Variants in BDNF observed in about 807,000 individuals in gnomAD.
BDNF encodes brain derived neurotrophic factor, also known as neurotrophic factor BDNF precursor form.
In BDNF, 1 loss-of-function variant was observed where a neutral mutation model predicts 19.5. That is an observed-to-expected ratio of 0.05 (90% CI 0.02 to 0.24). The LOEUF (loss-of-function observed/expected upper bound fraction) is 0.24. Ranked by LOEUF, BDNF falls within the 10% of genes least tolerant of loss-of-function variation. The pLI is 1.00. For missense variants in BDNF, 195 were observed against 317.6 expected (o/e 0.61, Z 2.93); for synonymous variants, 100 against 121.6 (o/e 0.82, Z 1.17).
At chr11:27,663,144 T>C (rs1433706209) in intron 1 of BDNF, among the ~76,000 whole-genome samples, 2 of 152,228 alleles carry the variant, frequency 1.3e-5, no homozygotes, top group Non-Finnish European at 2.9e-5. Flanking sequence ...TAGGAAATAA[T>C]AAAAGATTAA....
At chr11:27,701,715 T>C, upstream of BDNF, 1 of 639,588 alleles carries the variant, frequency 1.6e-6, no homozygotes, top group Non-Finnish European at 1.9e-6. Context: ...GACACTCTAG[T>C]GCACGAATTA....
intron 1 of BDNF, among the ~76,000 whole-genome samples, chr11:27,680,429 A>G (rs557046692): frequency 1.3e-5 from 2 of 152,374 alleles, no homozygotes; most frequent in African/African-American, 4.8e-5. Context: ...GTACCCATGA[A>G]GAGTTCAACA....
At chr11:27,720,703 C>T in intron 1 of BDNF, 1 of 985,974 alleles carries the variant, frequency 1.0e-6, no homozygotes, top group Non-Finnish European at 1.2e-6. Flanking sequence ...TGAATGGACT[C>T]CTATCGCCCG....
upstream of BDNF, chr11:27,701,273 GAGAA>G (rs752729261): frequency 6.9e-4 from 778 of 1,129,776 alleles, no homozygotes; most frequent in Non-Finnish European, 8.3e-4. Context: ...AAAACGGAAA[GAGAA>G]AGAAAGAAAA....
At chr11:27,685,141 A>G (rs1275421863) in intron 1 of BDNF, among the ~76,000 whole-genome samples, 3 of 152,204 alleles carry the variant, frequency 2.0e-5, no homozygotes, top group African/African-American at 7.2e-5. Context: ...GTATGTGTCC[A>G]GGAATTTATT....
chr11:27,670,138 G>T (rs1359681355), intron 1 of BDNF, among the ~76,000 whole-genome samples: 3 of 152,152 alleles, frequency 2.0e-5, no homozygotes, highest in Non-Finnish European at 4.4e-5. Flanking sequence ...TGACAAACCT[G>T]ACAAAAACAA....
chr11:27,694,091 T>C (rs1298977175), intron 1 of BDNF, among the ~76,000 whole-genome samples: 2 of 152,196 alleles, frequency 1.3e-5, no homozygotes, highest in African/African-American at 4.8e-5. Flanking sequence ...TACCAGAAAT[T>C]GGCACAAATT....
At chr11:27,674,417 C>T in intron 1 of BDNF, 1 of 1,459,408 alleles carries the variant, frequency 6.9e-7, no homozygotes, top group Non-Finnish European at 9.0e-7. Context: ...GTTCTCCTAG[C>T]CACTGCTCTA....
upstream of BDNF, among the ~76,000 whole-genome samples, chr11:27,702,331 G>A (rs1056805597): frequency 5.3e-5 from 8 of 152,182 alleles, no homozygotes; most frequent in Non-Finnish European, 8.8e-5. Flanking sequence ...GGGCCCAGGA[G>A]TTATAATTTT....
intron 1 of BDNF, among the ~76,000 whole-genome samples, chr11:27,679,612 C>G (rs987475716): frequency 1.3e-5 from 2 of 152,140 alleles, no homozygotes; most frequent in Admixed American, 1.3e-4. Context: ...TGGGCACATT[C>G]CCACCTGTCA....
At chr11:27,715,680 A>G (rs1425543699) in intron 1 of BDNF, among the ~76,000 whole-genome samples, 1 of 152,234 alleles carries the variant, frequency 6.6e-6, no homozygotes, top group African/African-American at 2.4e-5. Context: ...TTAAGGCAGC[A>G]TGGTCTAGAG....
chr11:27,702,647 T>A (rs1859955356), upstream of BDNF, among the ~76,000 whole-genome samples: 1 of 152,240 alleles, frequency 6.6e-6, no homozygotes, highest in Non-Finnish European at 1.5e-5. Context: ...GCTGTTGAAC[T>A]GAATATATAA....
At chr11:27,675,198 G>A (rs1279876397) in intron 1 of BDNF, 1 of 152,228 alleles carries the variant, frequency 6.6e-6, no homozygotes, top group Admixed American at 6.5e-5. Flanking sequence ...TTTAAACAAA[G>A]CCCCATATGA....
Position 27,717,355 on chromosome 11 carries a change from C to T in BDNF, c.3+4057G>A, listed in dbSNP as rs79193890. ...TTCAGTGAAATGAAAATGATATGTG[C>T]AAAGAGAATGTCATAATGATACCTC... is the stretch of plus-strand genomic sequence containing the variant. On this transcript the variant is annotated intron_variant, in intron 1 of 1. Transcript: ENST00000314915. 2.6e-5 allele frequency among the ~76,000 whole-genome samples: 4 copies of T among 152,216 alleles called. No homozygotes were observed. In the East Asian group the frequency reaches 7.7e-4, roughly 29 times the overall value.
At chr11:27,719,750 G>A (rs1011122527) in intron 1 of BDNF, 4 of 176,426 alleles carry the variant, frequency 2.3e-5, no homozygotes, top group African/African-American at 7.3e-5. Context: ...GGTGGAAGAA[G>A]GGGGGCGGGA....
chr11:27,719,232 T>C (rs1860650272), intron 1 of BDNF, among the ~76,000 whole-genome samples: 1 of 152,116 alleles, frequency 6.6e-6, no homozygotes, highest in Non-Finnish European at 1.5e-5. Context: ...CCACCGCCAG[T>C]CCCCTGCCCA....
chr11:27,690,281 A>T (rs2134013377), intron 1 of BDNF, among the ~76,000 whole-genome samples: 1 of 152,336 alleles, frequency 6.6e-6, no homozygotes, highest in African/African-American at 2.4e-5. Context: ...AATGCAAGTG[A>T]ATATACACAG....
intron 1 of BDNF, among the ~76,000 whole-genome samples, chr11:27,668,646 A>C (rs1430557926): frequency 6.6e-6 from 1 of 152,220 alleles, no homozygotes; most frequent in Non-Finnish European, 1.5e-5. Flanking sequence ...TATGCAAATA[A>C]ACTAGAAAAC....
chr11:27,663,187 A>C (rs534420589), intron 1 of BDNF, among the ~76,000 whole-genome samples: 3 of 152,206 alleles, frequency 2.0e-5, no homozygotes, highest in Non-Finnish European at 4.4e-5. Context: ...TTCATTTTCA[A>C]CCTTCGGATG....
Sources: gnomAD v4.1 joint callset for allele counts (sites outside exome capture counted in the v4.1 genomes callset) on GRCh38, gnomAD v4.1.1 for gene constraint, MANE v1.5 for transcripts, NCBI Gene and HGNC (gene_info 2026-07-23, HGNC 2026-07-21) for gene names.